STX18: variants seen among roughly 807,000 people sequenced by gnomAD.
STX18 encodes syntaxin 18.
Under a neutral mutation model 50.1 loss-of-function variants are expected in STX18, and 40 were observed. The observed-to-expected ratio is 0.80, with a 90% CI of 0.62 to 1.04. The LOEUF is 1.04. Among genes scored for constraint, STX18 ranks in the 50% least tolerant of loss-of-function variants. The pLI is 0.00. For missense variants in STX18, 410 were observed against 415.8 expected (o/e 0.99, Z 0.12); for synonymous variants, 158 against 151.8 (o/e 1.04, Z -0.30).
At chr4:4,439,019 C>CAT (rs910967728) in intron 5 of STX18, among the ~76,000 whole-genome samples, 2 of 146,282 alleles carry the variant, frequency 1.4e-5, no homozygotes, top group East Asian at 2.1e-4. Flanking sequence ...ATATATACCA[C>CAT]ATATATATAC....
chr4:4,519,069 G>C (rs920920219), intron 1 of STX18, among the ~76,000 whole-genome samples: 1 of 152,168 alleles, frequency 6.6e-6, no homozygotes, highest in Non-Finnish European at 1.5e-5. Flanking sequence ...TTCTAGGACA[G>C]AGACAATAAA....
chr4:4,497,279 T>A (rs1289703941), intron 1 of STX18, among the ~76,000 whole-genome samples: 1 of 152,312 alleles, frequency 6.6e-6, no homozygotes, highest in East Asian at 1.9e-4. Flanking sequence ...CTGGACAATA[T>A]GCCAAGGAGG....
chr4:4,542,193 G>C (rs1289589808), upstream of STX18: 7 of 505,080 alleles, frequency 1.4e-5, no homozygotes, highest in Non-Finnish European at 2.4e-5. Flanking sequence ...CGCGCTCTCG[G>C]GCATCGGTTT....
intron 5 of STX18, among the ~76,000 whole-genome samples, chr4:4,456,452 G>C (rs1727077749): frequency 6.6e-6 from 1 of 152,198 alleles, no homozygotes; most frequent in South Asian, 2.1e-4. Flanking sequence ...TGAGGACACA[G>C]CTCTTGCATT....
In STX18 at chr4:4,420,344, C is replaced by T. The variant is rs1239269694; in HGVS notation, c.913-215G>A. ...GTTTGGCCATCATTTGGGTCCTGCA[C>T]AATTCTCCCTCAACACAACTCTCGG... On this transcript the variant is annotated intron_variant, in intron 10 of 10. Transcript: ENST00000306200. This position sits in a 1 kb window ranked among gnomAD's most constrained non-coding sequence, Gnocchi z 4.3. 5.5e-6 allele frequency: 3 copies of T among 544,892 alleles called. No individual in the cohort carries two copies. The highest frequency in any genetic ancestry group is 1.9e-5 in the African/African-American group (1 of 52,778). The allele number at this position is 544,892 out of a possible 1,614,324, so 33.8% of individuals were successfully genotyped here.
intron 5 of STX18, among the ~76,000 whole-genome samples, chr4:4,456,210 G>A (rs1272922787): frequency 6.6e-6 from 1 of 151,736 alleles, no homozygotes; most frequent in Non-Finnish European, 1.5e-5. Context: ...AGCCCAGGAG[G>A]TCGTGCCACT....
Position 4,489,391 on chromosome 4 carries a change from A to ATTT in STX18, c.169-17688_169-17686dup, listed in dbSNP as rs34563523. 1.4e-3 allele frequency among the ~76,000 whole-genome samples: 71 copies of ATTT among 51,672 alleles called. 15 individuals carry two copies. Among genetic ancestry groups the ATTT allele is most frequent in the South Asian group, 1.7e-3 (2 of 1,154 alleles). The allele number at this position is 51,672 out of a possible 152,430, so 33.9% of individuals were successfully genotyped here. On this transcript the variant is annotated intron_variant, in intron 1 of 10. Coordinates refer to ENST00000306200, the MANE Select transcript of STX18 (RefSeq NM_016930.4). ...AGCACTTCAATACACATGCAAAATAATTTTTTTTTTTTTTTTTTTTTTTTT... is the reference window on the plus strand; with the variant it reads ...AGCACTTCAATACACATGCAAAATAATTTTTTTTTTTTTTTTTTTTTTTTTTTT...
intron 1 of STX18, among the ~76,000 whole-genome samples, chr4:4,535,351 G>C (rs954492737): frequency 1.3e-5 from 2 of 152,162 alleles, no homozygotes; most frequent in South Asian, 2.1e-4. Flanking sequence ...GCAAAATTCA[G>C]AAGTGTAATC....
chr4:4,526,339 GC>G (rs1207708066), intron 1 of STX18, among the ~76,000 whole-genome samples: 1 of 152,190 alleles, frequency 6.6e-6, no homozygotes, highest in Non-Finnish European at 1.5e-5. Flanking sequence ...ACTGAACTGT[GC>G]TCTGTGCTGT....
At chr4:4,539,714 T>C (rs1011451499) in intron 1 of STX18, among the ~76,000 whole-genome samples, 2 of 152,186 alleles carry the variant, frequency 1.3e-5, no homozygotes, top group Non-Finnish European at 2.9e-5. Flanking sequence ...TGAAAAGCAG[T>C]CATCACTCTG....
chr4:4,515,244 T>G (rs924896929), intron 1 of STX18, among the ~76,000 whole-genome samples: 1 of 152,158 alleles, frequency 6.6e-6, no homozygotes, highest in Admixed American at 6.5e-5. Flanking sequence ...TAATATGCAA[T>G]GATTACTTCT....
intron 1 of STX18, among the ~76,000 whole-genome samples, chr4:4,480,910 G>A (rs1025384646): frequency 6.6e-6 from 1 of 152,202 alleles, no homozygotes; most frequent in East Asian, 1.9e-4. Context: ...AAGCTGAAAT[G>A]AGATTGTTTT....
At chr4:4,516,166 T>C (rs112047629) in intron 1 of STX18, among the ~76,000 whole-genome samples, 3,304 of 152,348 alleles carry the variant, frequency 0.022, 52 homozygotes, top group Non-Finnish European at 0.033. Flanking sequence ...ACACAGTCTA[T>C]AATTACTGGA....
At chr4:4,468,445 C>A (rs1368996520) in intron 2 of STX18, among the ~76,000 whole-genome samples, 1 of 152,026 alleles carries the variant, frequency 6.6e-6, no homozygotes, top group Non-Finnish European at 1.5e-5. Context: ...CGCCAGCCTG[C>A]GATGATAGCT....
chr4:4,537,019 C>G (rs1577413897), intron 1 of STX18, among the ~76,000 whole-genome samples: 1 of 152,236 alleles, frequency 6.6e-6, no homozygotes, highest in South Asian at 2.1e-4. Flanking sequence ...GCGGCTAGAA[C>G]ATGGGTTCCT....
chr4:4,441,300 G>A lies in STX18; in HGVS notation c.498-2791C>T, dbSNP rs557402300. ...GCAGTAACATCACTTTTTAAGAAGA[G>A]CATGTGGTATGGGATCTATTTGGGG... On this transcript the variant is annotated intron_variant, in intron 5 of 10. Coordinates refer to ENST00000306200, the MANE Select transcript of STX18 (RefSeq NM_016930.4). Among the ~76,000 whole-genome samples the A allele has an allele frequency of 1.1e-4, 17 of 152,320 alleles. No homozygotes were observed. The South Asian group carries it at 2.5e-3, about 22-fold the overall frequency.
At chr4:4,511,980 T>C (rs977899523) in intron 1 of STX18, among the ~76,000 whole-genome samples, 2 of 152,034 alleles carry the variant, frequency 1.3e-5, no homozygotes, top group Non-Finnish European at 2.9e-5. Context: ...TTGTAGAATG[T>C]TTAGCAGCAT....
intron 1 of STX18, chr4:4,507,396 C>T (rs1729764687): frequency 1.3e-5 from 10 of 756,700 alleles, no homozygotes; most frequent in South Asian, 1.1e-4. Flanking sequence ...TCTTTGTTCC[C>T]GTTCCTCCAC....
chr4:4,475,001 A>C (rs914179748), intron 1 of STX18, among the ~76,000 whole-genome samples: 14 of 152,226 alleles, frequency 9.2e-5, no homozygotes, highest in Admixed American at 6.5e-4. Flanking sequence ...GAAGCCATAA[A>C]GTTTTCCATA....
Sources: allele counts gnomAD v4.1 joint callset (sites outside exome capture counted in the v4.1 genomes callset), GRCh38; gene constraint gnomAD v4.1.1; non-coding constraint Gnocchi (gnomAD v3.1); transcripts MANE v1.5; gene names NCBI Gene and HGNC (gene_info 2026-07-23, HGNC 2026-07-21).